STXBP5L: variants seen among roughly 807,000 people sequenced by gnomAD.
STXBP5L encodes syntaxin-binding protein 5-like.
A neutral mutation model predicts 144.5 loss-of-function variants in STXBP5L; 65 were observed. The ratio of observed to expected loss-of-function variants is 0.45; its 90% CI spans 0.37 to 0.55. STXBP5L has a LOEUF of 0.55. STXBP5L is among the 20% of genes least tolerant of loss of function. The pLI is 0.00. For missense variants in STXBP5L, 1,298 were observed against 1,405.5 expected, an observed-to-expected ratio of 0.92 and a Z score of 1.22; for synonymous variants, 505 against 469.6, an observed-to-expected ratio of 1.08 and a Z score of -0.97.
intron 6 of STXBP5L, among the ~76,000 whole-genome samples, chr3:121,117,892 C>T (rs964872603): frequency 6.6e-6 from 1 of 151,570 alleles, no homozygotes; most frequent in Non-Finnish European, 1.5e-5. Context: ...AAAATAACAG[C>T]ATAGAACTAA....
intron 20 of STXBP5L, among the ~76,000 whole-genome samples, chr3:121,333,935 G>A (rs1315919120): frequency 3.3e-5 from 5 of 152,008 alleles, no homozygotes; most frequent in Non-Finnish European, 5.9e-5. Context: ...ATCTTGAATT[G>A]TATCTCCCAT....
At chr3:121,071,492 G>C (rs901549667) in intron 5 of STXBP5L, among the ~76,000 whole-genome samples, 1 of 152,192 alleles carries the variant, frequency 6.6e-6, no homozygotes, top group Admixed American at 6.5e-5. Flanking sequence ...CAGCCATGTT[G>C]GGTGGTCTTG....
rs541160584 is a variant in STXBP5L, at chr3:121,340,133, G to A, written c.2176+21593G>A. On this transcript the variant is annotated intron_variant, in intron 20 of 26. Coordinates refer to ENST00000471454, the MANE Select transcript of STXBP5L (RefSeq NM_001308330.2). ...CAAAATGAATAAAGCTGGAGGCATC[G>A]CATTACCTGACTTCAAATTGTACTA... 5.9e-5 allele frequency among the ~76,000 whole-genome samples: 9 copies of A among 152,090 alleles called. No individual in the cohort carries two copies. In the East Asian group the frequency reaches 1.4e-3, roughly 23 times the overall value.
At chr3:121,288,810 G>A (rs1037042618) in intron 19 of STXBP5L, among the ~76,000 whole-genome samples, 4 of 152,084 alleles carry the variant, frequency 2.6e-5, no homozygotes, top group African/African-American at 9.7e-5. Flanking sequence ...TCTGTTGATA[G>A]TTTTTATAGC....
chr3:121,328,028 A>T (rs2044206444), intron 20 of STXBP5L, among the ~76,000 whole-genome samples: 1 of 152,216 alleles, frequency 6.6e-6, no homozygotes, highest in South Asian at 2.1e-4. Flanking sequence ...AAAATAAATA[A>T]GCCCGTTATA....
At chr3:121,342,615 T>C (rs1467777999) in intron 20 of STXBP5L, among the ~76,000 whole-genome samples, 2 of 151,734 alleles carry the variant, frequency 1.3e-5, no homozygotes, top group South Asian at 2.1e-4. Context: ...TTTGTTCTTG[T>C]GATAGTTTAC....
rs575681888 is a variant in STXBP5L, at chr3:121,350,468, T to A, written c.2177-28248T>A. Reference sequence around the variant, plus strand: ...TTGCTCTTCTCGAGGAGTATCTTTGTGGTGTTCTCTGTATTTCTTGAATTT... The same window carrying A: ...TTGCTCTTCTCGAGGAGTATCTTTGAGGTGTTCTCTGTATTTCTTGAATTT... On this transcript the variant is annotated intron_variant, in intron 20 of 26. Transcript: ENST00000471454. 7.9e-5 allele frequency among the ~76,000 whole-genome samples: 12 copies of A among 152,256 alleles called. No individual in the cohort carries two copies. The South Asian group carries it at 2.3e-3, about 29-fold the overall frequency.
At chr3:121,338,045 C>T (rs944352296) in intron 20 of STXBP5L, among the ~76,000 whole-genome samples, 2 of 152,028 alleles carry the variant, frequency 1.3e-5, no homozygotes, top group East Asian at 3.9e-4. Context: ...CTCTGGGATA[C>T]AGGAAAAGCG....
At chr3:121,187,461 C>T (rs935050190) in intron 9 of STXBP5L, among the ~76,000 whole-genome samples, 5 of 151,010 alleles carry the variant, frequency 3.3e-5, no homozygotes, top group East Asian at 2.0e-4. Context: ...TAATGTTAAA[C>T]GAAGAGTTAA....
intron 2 of STXBP5L, among the ~76,000 whole-genome samples, chr3:120,939,031 C>T (rs574013039): frequency 5.3e-5 from 8 of 152,304 alleles, no homozygotes; most frequent in African/African-American, 1.9e-4. Flanking sequence ...GATCCTCCCA[C>T]CTTGGCCTCC....
At chr3:121,052,731 G>A (rs1207306558) in intron 5 of STXBP5L, among the ~76,000 whole-genome samples, 3 of 151,852 alleles carry the variant, frequency 2.0e-5, no homozygotes, top group Non-Finnish European at 4.4e-5. Context: ...ACATAGTGTT[G>A]GAAGTTCTGG....
rs543463504 is a variant in STXBP5L at position 121,106,826 on chromosome 3, T to G, written c.471-8099T>G. On this transcript the variant is annotated intron_variant, in intron 5 of 26. Coordinates refer to ENST00000471454, the MANE Select transcript of STXBP5L (RefSeq NM_001308330.2). The stretch of plus-strand genomic sequence containing the variant: ...TCTTTGAGGAATTGTCACACTGTCT[T>G]CCACAATGGTTGAACTAATTTACAT... Among the ~76,000 whole-genome samples the G allele has an allele frequency of 2.0e-5, 3 of 152,294 alleles. No individual in the cohort carries two copies. In the East Asian group the frequency reaches 5.8e-4, roughly 29 times the overall value.
chr3:121,385,349 G>A (rs143418200), intron 22 of STXBP5L, among the ~76,000 whole-genome samples: 6 of 152,210 alleles, frequency 3.9e-5, no homozygotes, highest in Middle Eastern at 3.4e-3. Context: ...GAGAGAGGAG[G>A]GAGGTACCAC....
At chr3:120,909,291 A>G (rs1708700978) in intron 1 of STXBP5L, 2 of 317,668 alleles carry the variant, frequency 6.3e-6, no homozygotes, top group Non-Finnish European at 1.2e-5. Flanking sequence ...GATAAAGCGT[A>G]GTTACAGCTG....
intron 20 of STXBP5L, among the ~76,000 whole-genome samples, chr3:121,343,696 G>A (rs1407921553): frequency 2.0e-5 from 3 of 152,084 alleles, no homozygotes; most frequent in Non-Finnish European, 4.4e-5. Flanking sequence ...TACAAGGGAC[G>A]TGAAGGACCT....
At chr3:121,391,827 G>T (rs2046594338) in intron 22 of STXBP5L, among the ~76,000 whole-genome samples, 1 of 152,202 alleles carries the variant, frequency 6.6e-6, no homozygotes, top group Admixed American at 6.5e-5. Flanking sequence ...TGCCCCTACT[G>T]GGAGGTGTCT....
chr3:120,983,766 A>G (rs951697418), intron 3 of STXBP5L, among the ~76,000 whole-genome samples: 1 of 152,144 alleles, frequency 6.6e-6, no homozygotes, highest in East Asian at 1.9e-4. Flanking sequence ...ATCCCAGCCC[A>G]GTAGGCTGCT....
At chr3:121,202,091 T>C (rs546240076) in intron 9 of STXBP5L, among the ~76,000 whole-genome samples, 1 of 152,168 alleles carries the variant, frequency 6.6e-6, no homozygotes, top group Admixed American at 6.5e-5. Context: ...TTTTGTTATA[T>C]GTTTTATATC....
At chr3:120,960,406 G>T (rs1367400031) in intron 3 of STXBP5L, among the ~76,000 whole-genome samples, 13 of 152,170 alleles carry the variant, frequency 8.5e-5, no homozygotes, top group South Asian at 8.3e-4. Flanking sequence ...ATCCCATTAC[G>T]GGGTATATAC....
Sources: gnomAD v4.1 joint callset for allele counts (sites outside exome capture counted in the v4.1 genomes callset) on GRCh38, gnomAD v4.1.1 for gene constraint, MANE v1.5 for transcripts, NCBI Gene and HGNC (gene_info 2026-07-23, HGNC 2026-07-21) for gene names.